NT5DC1: variants seen among roughly 807,000 people sequenced by gnomAD.
NT5DC1 encodes the protein 5'-nucleotidase domain-containing protein 1.
Under a neutral mutation model 59.4 loss-of-function variants are expected in NT5DC1, and 42 were observed. The observed-to-expected ratio is 0.71, with a 90% CI of 0.55 to 0.92. The LOEUF is 0.92. NT5DC1 is among the 40% of genes least tolerant of loss of function. The probability of loss-of-function intolerance (pLI) is 0.00; values close to 1 mark genes in which losing one functional copy is unlikely to be tolerated. For synonymous variants in NT5DC1, 172 were observed against 188.1 expected, an observed-to-expected ratio of 0.91 and a Z score of 0.70; for missense variants, 501 against 537.1, an observed-to-expected ratio of 0.93 and a Z score of 0.66.
intron 6 of NT5DC1, among the ~76,000 whole-genome samples, chr6:116,205,227 GAAC>G (rs1402024007): frequency 1.1e-4 from 17 of 151,834 alleles, no homozygotes; most frequent in African/African-American, 3.9e-4. Flanking sequence ...AAACAAAATA[GAAC>G]AACAACAAAA....
chr6:116,112,561 G>T (rs1166387054), intron 4 of NT5DC1, among the ~76,000 whole-genome samples: 2 of 152,136 alleles, frequency 1.3e-5, no homozygotes, highest in Non-Finnish European at 2.9e-5. Flanking sequence ...TAGAGATTCT[G>T]GCATCAGCAC....
intron 6 of NT5DC1, among the ~76,000 whole-genome samples, chr6:116,135,131 C>G (rs1259205838): frequency 6.6e-6 from 1 of 152,136 alleles, no homozygotes; most frequent in Non-Finnish European, 1.5e-5. Flanking sequence ...AAAATGGGCT[C>G]ACAGACTACT....
intron 6 of NT5DC1, chr6:116,120,591 G>A (rs750042042): frequency 4.4e-6 from 7 of 1,587,398 alleles, no homozygotes; most frequent in Non-Finnish European, 6.0e-6. Flanking sequence ...GGCCCAGGGG[G>A]CCCTGGAAGA....
chr6:116,124,286 T>A (rs1310624948), intron 6 of NT5DC1, among the ~76,000 whole-genome samples: 1 of 152,112 alleles, frequency 6.6e-6, no homozygotes, highest in Non-Finnish European at 1.5e-5. Flanking sequence ...ATAAAATATA[T>A]AATTAAAAAA....
chr6:116,156,822 T>A (rs1046446573), intron 6 of NT5DC1, among the ~76,000 whole-genome samples: 2 of 152,002 alleles, frequency 1.3e-5, no homozygotes, highest in African/African-American at 4.8e-5. Flanking sequence ...AATTTTGTGC[T>A]TCACGTCCTC....
intron 6 of NT5DC1, among the ~76,000 whole-genome samples, chr6:116,217,399 A>G (rs948191597): frequency 3.3e-5 from 5 of 152,190 alleles, no homozygotes; most frequent in African/African-American, 9.6e-5. Context: ...ATCAAAGGAT[A>G]TAAGAGTGGT....
chr6:116,220,122 C>CTTTTTTTTT lies in NT5DC1; in HGVS notation c.530-917_530-909dup, dbSNP rs60827021. ...TATCATTCAGTACAAGCTGTTTAAC[C>CTTTTTTTTT]TTTTTTTTTTTTTTTTTTTTTTTGT... On this transcript the variant is annotated intron_variant, in intron 6 of 11. Transcript: ENST00000319550. Among the ~76,000 whole-genome samples the CTTTTTTTTT allele has an allele frequency of 2.2e-3, 216 of 98,638 alleles. 6 individuals carry two copies. The highest frequency in any genetic ancestry group is 6.6e-3 in the African/African-American group (152 of 23,044). 64.7% of individuals were successfully genotyped at this position (98,638 alleles called of 152,430 possible).
intron 6 of NT5DC1, among the ~76,000 whole-genome samples, chr6:116,148,492 C>G (rs1779952193): frequency 6.6e-6 from 1 of 152,126 alleles, no homozygotes; most frequent in African/African-American, 2.4e-5. Flanking sequence ...GCTGGTACTA[C>G]CCAATCTTGC....
At chr6:116,174,758 T>C (rs1386701267) in intron 6 of NT5DC1, among the ~76,000 whole-genome samples, 1 of 152,166 alleles carries the variant, frequency 6.6e-6, no homozygotes, top group Non-Finnish European at 1.5e-5. Flanking sequence ...ATACTCCATT[T>C]TGAAGGACTC....
chr6:116,162,915 C>G (rs1780368583), intron 6 of NT5DC1, among the ~76,000 whole-genome samples: 1 of 151,826 alleles, frequency 6.6e-6, no homozygotes, highest in Admixed American at 6.6e-5. Context: ...ATCACGAGGT[C>G]AGGAGATCGA....
At chr6:116,119,972 A>T in intron 6 of NT5DC1, 1 of 1,097,168 alleles carries the variant, frequency 9.1e-7, no homozygotes, top group Non-Finnish European at 1.4e-6. Context: ...GAAAATAAAA[A>T]TTACATTCTT....
At chr6:116,136,135 C>A (rs926445760) in intron 6 of NT5DC1, among the ~76,000 whole-genome samples, 26 of 152,024 alleles carry the variant, frequency 1.7e-4, no homozygotes, top group African/African-American at 6.3e-4. Flanking sequence ...CTACTCCCTG[C>A]TTCTATGAAT....
At chr6:116,138,383 A>G (rs943675157) in intron 6 of NT5DC1, among the ~76,000 whole-genome samples, 7 of 152,194 alleles carry the variant, frequency 4.6e-5, no homozygotes, top group African/African-American at 1.7e-4. Context: ...TGTGTTGGCT[A>G]TTCCTTGTTA....
At chr6:116,239,245 C>A in intron 11 of NT5DC1, 122 bp downstream of exon 11, 1 of 755,368 alleles carries the variant, frequency 1.3e-6, no homozygotes, top group Non-Finnish European at 2.1e-6. Flanking sequence ...GGGGAAAAAT[C>A]TTCTAGATAT....
chr6:116,154,544 A>G (rs1780132964), intron 6 of NT5DC1, among the ~76,000 whole-genome samples: 1 of 152,150 alleles, frequency 6.6e-6, no homozygotes, highest in South Asian at 2.1e-4. Context: ...AAAAAAATAC[A>G]CAAAACTTTG....
rs138877987 is a variant in NT5DC1 at position 116,105,271 on chromosome 6, G to A, written c.94-973G>A. 3.2e-4 allele frequency among the ~76,000 whole-genome samples: 48 copies of A among 152,196 alleles called. 1 individual carries two copies. The East Asian group carries it at 8.9e-3, about 28-fold the overall frequency. On this transcript the variant is annotated intron_variant, in intron 1 of 11. Coordinates refer to ENST00000319550, the MANE Select transcript of NT5DC1 (RefSeq NM_152729.3). ...CCCATTCCCTCTGCATTCACCCAGC[G>A]AACTGCTGCATCTAAGTATCAGTGT...
chr6:116,200,853 T>C (rs1582870027), intron 6 of NT5DC1, among the ~76,000 whole-genome samples: 1 of 152,040 alleles, frequency 6.6e-6, no homozygotes, highest in African/African-American at 2.4e-5. Flanking sequence ...TGTTTACTTT[T>C]TCTTCTGAGG....
intron 6 of NT5DC1, among the ~76,000 whole-genome samples, chr6:116,220,822 G>A (rs1781784034): frequency 6.7e-6 from 1 of 149,146 alleles, no homozygotes; most frequent in South Asian, 2.1e-4. Flanking sequence ...ATCAGTTCTT[G>A]TCAAATAGCC....
chr6:116,167,335 C>G (rs556996337), intron 6 of NT5DC1, among the ~76,000 whole-genome samples: 1 of 151,224 alleles, frequency 6.6e-6, no homozygotes, highest in African/African-American at 2.4e-5. Context: ...GCCTCAGCCT[C>G]CCAAGTAATT....
Sources: gnomAD v4.1 joint callset for allele counts (sites outside exome capture counted in the v4.1 genomes callset) on GRCh38, gnomAD v4.1.1 for gene constraint, MANE v1.5 for transcripts, NCBI Gene and HGNC (gene_info 2026-07-23, HGNC 2026-07-21) for gene names.